Variants in UNC79 observed in about 807,000 individuals in gnomAD.
UNC79 encodes the protein protein unc-79 homolog.
UNC79 carries 37 observed loss-of-function variants against 283.1 expected under a neutral mutation model. That is an observed-to-expected ratio of 0.13 (90% CI 0.10 to 0.17). The LOEUF is 0.17. UNC79 is among the 10% of genes least tolerant of loss of function. The pLI is 1.00. For missense variants in UNC79, 2,272 were observed against 3,211.1 expected, an observed-to-expected ratio of 0.71 and a Z score of 7.07; for synonymous variants, 1,107 against 1,200.2, an observed-to-expected ratio of 0.92 and a Z score of 1.61.
At chr14:93,570,317 C>T (rs2063141189) in intron 14 of UNC79, among the ~76,000 whole-genome samples, 2 of 152,104 alleles carry the variant, frequency 1.3e-5, no homozygotes, top group Non-Finnish European at 2.9e-5. Flanking sequence ...CCCCTTAGGT[C>T]GGAGAGAAAA....
intron 4 of UNC79, among the ~76,000 whole-genome samples, chr14:93,478,457 A>G (rs1324436193): frequency 3.3e-5 from 5 of 152,222 alleles, no homozygotes; most frequent in African/African-American, 1.2e-4. Flanking sequence ...GAAATGGATT[A>G]TGGATTAATC....
At chr14:93,589,272 A>T (rs1337891625) in intron 22 of UNC79, among the ~76,000 whole-genome samples, 2 of 152,120 alleles carry the variant, frequency 1.3e-5, no homozygotes, top group Non-Finnish European at 2.9e-5. Context: ...GGGACTGGTG[A>T]TATGGTTATG....
intron 1 of UNC79, among the ~76,000 whole-genome samples, chr14:93,457,805 G>A (rs2056837387): frequency 6.6e-6 from 1 of 152,188 alleles, no homozygotes; most frequent in African/African-American, 2.4e-5. Context: ...TTGAATTAAG[G>A]TGATGTCAAT....
At chr14:93,592,376 G>C (rs1158276469) in intron 22 of UNC79, among the ~76,000 whole-genome samples, 1 of 151,810 alleles carries the variant, frequency 6.6e-6, no homozygotes, top group Non-Finnish European at 1.5e-5. Context: ...GAGTTTCACT[G>C]TGTTAGCCAG....
At position 93,500,436 on chromosome 14, in the gene UNC79, C is replaced by T. The variant is rs529306848; in HGVS notation, c.898+3150C>T. 2.4e-4 allele frequency among the ~76,000 whole-genome samples: 37 copies of T among 152,198 alleles called. No homozygotes were observed. In the South Asian group the frequency reaches 7.3e-3, roughly 30 times the overall value. On this transcript the variant is annotated intron_variant, in intron 7 of 48. Transcript: ENST00000555664. ...AAACTCCCATTCTAGTAGACCATGG[C>T]ATTCTGTGTAGGAAACAAAAGATCA... is the stretch of plus-strand genomic sequence containing the variant.
At chr14:93,425,985 A>T (rs182300873), upstream of UNC79, among the ~76,000 whole-genome samples, 1 of 152,172 alleles carries the variant, frequency 6.6e-6, no homozygotes, top group Admixed American at 6.5e-5. Context: ...TTCCATTACT[A>T]TTTCCTATAG....
chr14:93,637,009 T>C (rs919593089), intron 31 of UNC79, among the ~76,000 whole-genome samples: 1 of 152,164 alleles, frequency 6.6e-6, no homozygotes, highest in East Asian at 1.9e-4. Flanking sequence ...CTGCTTTTAG[T>C]TGCATTTCAT....
At chr14:93,546,678 T>A (rs1567089161) in intron 14 of UNC79, among the ~76,000 whole-genome samples, 1 of 152,208 alleles carries the variant, frequency 6.6e-6, no homozygotes, top group Non-Finnish European at 1.5e-5. Flanking sequence ...ATTGAAAAAC[T>A]AGCAATGTTC....
intron 14 of UNC79, among the ~76,000 whole-genome samples, chr14:93,564,199 C>T (rs2062738279): frequency 6.6e-6 from 1 of 152,164 alleles, no homozygotes; most frequent in African/African-American, 2.4e-5. Flanking sequence ...CTAAAGCTGT[C>T]TTCAAGCAAC....
chr14:93,389,868 G>T (rs2054849816), intron 1 of UNC79, among the ~76,000 whole-genome samples: 1 of 152,158 alleles, frequency 6.6e-6, no homozygotes. Context: ...GGCCAGGCTG[G>T]TCTTGAATTC....
chr14:93,570,267 G>A (rs1368539563), intron 14 of UNC79, among the ~76,000 whole-genome samples: 3 of 152,062 alleles, frequency 2.0e-5, no homozygotes, highest in South Asian at 2.1e-4. Context: ...TAGCATTCAC[G>A]GATTGGCCTG....
chr14:93,432,844 A>G (rs1025805986), intron 1 of UNC79, among the ~76,000 whole-genome samples: 1 of 152,222 alleles, frequency 6.6e-6, no homozygotes, highest in African/African-American at 2.4e-5. Context: ...ATATTACGTA[A>G]GTAATTTCAG....
chr14:93,494,905 T>G (rs1301781316), intron 5 of UNC79, among the ~76,000 whole-genome samples: 2 of 152,206 alleles, frequency 1.3e-5, no homozygotes, highest in Non-Finnish European at 2.9e-5. Context: ...CCCTCATGTT[T>G]GCAAGAAAGC....
intron 40 of UNC79, among the ~76,000 whole-genome samples, chr14:93,668,978 TAAAAAA>T (rs543609091): frequency 3.8e-5 from 3 of 79,898 alleles, no homozygotes; most frequent in East Asian, 3.9e-4. Flanking sequence ...GAACATTGTC[TAAAAAA>T]AAAAAAAAAA....
chr14:93,427,700 C>T (rs2055762761), upstream of UNC79, among the ~76,000 whole-genome samples: 1 of 151,118 alleles, frequency 6.6e-6, no homozygotes. Flanking sequence ...ATAACAAGTT[C>T]CTAGAGCAGT....
At chr14:93,349,527 C>T (rs2053940635) in intron 1 of UNC79, among the ~76,000 whole-genome samples, 1 of 152,146 alleles carries the variant, frequency 6.6e-6, no homozygotes, top group Non-Finnish European at 1.5e-5. Flanking sequence ...AGTCCCCTTC[C>T]CCACTTAAGT....
chr14:93,562,243 T>C (rs986775891), intron 14 of UNC79, among the ~76,000 whole-genome samples: 2 of 152,020 alleles, frequency 1.3e-5, no homozygotes, highest in African/African-American at 4.8e-5. Context: ...GTTGTAGAAT[T>C]TGAGGGGTCA....
intron 35 of UNC79, among the ~76,000 whole-genome samples, chr14:93,649,561 T>G (rs1172381135): frequency 1.3e-5 from 2 of 152,190 alleles, no homozygotes; most frequent in Non-Finnish European, 2.9e-5. Flanking sequence ...TGTATACAGT[T>G]GTTTCTTTTT....
intron 1 of UNC79, among the ~76,000 whole-genome samples, chr14:93,421,857 A>G (rs542714713): frequency 2.0e-5 from 3 of 151,876 alleles, no homozygotes; most frequent in Non-Finnish European, 4.4e-5. Context: ...TTCAACATAC[A>G]CACAAATCAA....
Sources: allele counts gnomAD v4.1 joint callset (sites outside exome capture counted in the v4.1 genomes callset), GRCh38; gene constraint gnomAD v4.1.1; transcripts MANE v1.5; gene names NCBI Gene and HGNC (gene_info 2026-07-23, HGNC 2026-07-21).